RGS6: variants seen among roughly 807,000 people sequenced by gnomAD.
The protein encoded by RGS6 is regulator of G protein signaling 6, also known as regulator of G-protein signaling 6.
RGS6 carries 30 observed loss-of-function variants against 78.5 expected under a neutral mutation model. The ratio of observed to expected loss-of-function variants is 0.38; its 90% CI spans 0.29 to 0.52. RGS6 has a LOEUF of 0.52. Among genes scored for constraint, RGS6 ranks in the 20% least tolerant of loss-of-function variants. The pLI is 0.85. For missense variants in RGS6, 495 were observed against 609.7 expected, an observed-to-expected ratio of 0.81 and a Z score of 1.98; for synonymous variants, 206 against 206.0, an observed-to-expected ratio of 1.00 and a Z score of 0.00.
At chr14:72,586,391 CCT>C in the RGS6 span, among the ~76,000 whole-genome samples, 1 of 152,162 alleles carries the variant, frequency 6.6e-6, no homozygotes. Flanking sequence ...GGTGCCTCCT[CCT>C]CTCTCTCGTG....
chr14:71,912,587 G>A, the RGS6 span, among the ~76,000 whole-genome samples: 6,987 of 152,152 alleles, frequency 0.046, 527 homozygotes, highest in African/African-American at 0.16. Flanking sequence ...CTACTGAAAA[G>A]TATTGCTGAA....
At chr14:72,243,924 C>G (rs1451851549) in intron 2 of RGS6, among the ~76,000 whole-genome samples, 1 of 152,194 alleles carries the variant, frequency 6.6e-6, no homozygotes, top group Non-Finnish European at 1.5e-5. Flanking sequence ...AGAAATGTTA[C>G]TCTCCAAAGG....
intron 2 of RGS6, among the ~76,000 whole-genome samples, chr14:72,202,629 T>C (rs1027184082): frequency 6.6e-6 from 1 of 152,084 alleles, no homozygotes; most frequent in Admixed American, 6.5e-5. Context: ...GTAAGCAAAC[T>C]TACTGCCCAG....
At chr14:72,073,691 C>A (rs2094482565) in intron 2 of RGS6, among the ~76,000 whole-genome samples, 1 of 152,110 alleles carries the variant, frequency 6.6e-6, no homozygotes, top group South Asian at 2.1e-4. Flanking sequence ...GAACATGCAA[C>A]CTCCACACAG....
intron 3 of RGS6, among the ~76,000 whole-genome samples, chr14:72,370,860 CA>C (rs2083387324): frequency 6.6e-6 from 1 of 152,046 alleles, no homozygotes; most frequent in African/African-American, 2.4e-5. Context: ...TTTTGTTTTA[CA>C]AAAAGTAATT....
chr14:72,202,080 C>T (rs1020511259), intron 2 of RGS6, among the ~76,000 whole-genome samples: 1 of 152,140 alleles, frequency 6.6e-6, no homozygotes, highest in Non-Finnish European at 1.5e-5. Context: ...AATCCAATAT[C>T]CTCCTCTTCA....
intron 2 of RGS6, among the ~76,000 whole-genome samples, chr14:72,021,027 T>A (rs1039218578): frequency 6.6e-6 from 1 of 152,238 alleles, no homozygotes; most frequent in African/African-American, 2.4e-5. Flanking sequence ...TTCTTCCTCC[T>A]TGTGTCTTGC....
chr14:72,395,787 G>A (rs922131893), intron 3 of RGS6, among the ~76,000 whole-genome samples: 1 of 151,930 alleles, frequency 6.6e-6, no homozygotes. Context: ...GTGGTGTTTG[G>A]TTTTTTTCCC....
At chr14:72,066,025 A>G (rs535642168) in intron 2 of RGS6, among the ~76,000 whole-genome samples, 67 of 148,428 alleles carry the variant, frequency 4.5e-4, no homozygotes, top group Admixed American at 3.5e-3. Flanking sequence ...CTGCCTGTTG[A>G]TTGATGTTAA....
At chr14:72,320,861 C>G (rs2071766657) in intron 2 of RGS6, among the ~76,000 whole-genome samples, 1 of 150,064 alleles carries the variant, frequency 6.7e-6, no homozygotes, top group Non-Finnish European at 1.5e-5. Context: ...TTTAAATATA[C>G]TTAGCATACT....
chr14:72,575,170 CAG>C, the RGS6 span, among the ~76,000 whole-genome samples: 3 of 152,040 alleles, frequency 2.0e-5, no homozygotes, highest in African/African-American at 7.2e-5. Flanking sequence ...AGGCAGCATT[CAG>C]AGTTTATTGT....
chr14:71,936,024 A>ATATATATATATATATATATC, intron 1 of RGS6, among the ~76,000 whole-genome samples: 1 of 119,564 alleles, frequency 8.4e-6, no homozygotes, highest in East Asian at 3.0e-4. Flanking sequence ...GGATATATAT[A>ATATATATATATATATATATC]TATATATATA....
rs1374562769 is a variant in RGS6, at chr14:72,062,981, G to A, written c.84+98106G>A. On this transcript the variant is annotated intron_variant, in intron 2 of 17. Transcript: ENST00000553525. The stretch of plus-strand genomic sequence containing the variant: ...GAGATTTACAGATGTGCACCACCAC[G>A]CCCAGGTAATTTCTGTATTTTTAGC... Among the ~76,000 whole-genome samples the A allele has an allele frequency of 9.2e-5, 14 of 152,204 alleles. No individual in the cohort carries two copies. In the South Asian group the frequency reaches 2.5e-3, roughly 27 times the overall value.
the RGS6 span, chr14:72,594,330 T>TG: frequency 1.3e-5 from 2 of 152,170 alleles, no homozygotes; most frequent in Non-Finnish European, 2.9e-5. Context: ...AACTCACCTG[T>TG]GGGGAAGCTC....
At chr14:72,182,256 A>G (rs1474652020) in intron 2 of RGS6, among the ~76,000 whole-genome samples, 1 of 151,890 alleles carries the variant, frequency 6.6e-6, no homozygotes, top group African/African-American at 2.4e-5. Flanking sequence ...AAAAATACAA[A>G]CACATTAGCC....
At chr14:72,276,699 T>C (rs921701215) in intron 2 of RGS6, among the ~76,000 whole-genome samples, 8 of 152,184 alleles carry the variant, frequency 5.3e-5, no homozygotes, top group African/African-American at 1.9e-4. Flanking sequence ...CTTCTCATTT[T>C]CCTTCTTGCC....
intron 17 of RGS6, chr14:72,540,590 T>A: frequency 1.3e-6 from 2 of 1,510,350 alleles, no homozygotes; most frequent in African/African-American, 1.4e-5. Flanking sequence ...TTTTGCTGTG[T>A]GCAGAAAGCG....
chr14:72,062,204 C>T (rs2093928216), intron 2 of RGS6, among the ~76,000 whole-genome samples: 1 of 152,144 alleles, frequency 6.6e-6, no homozygotes, highest in South Asian at 2.1e-4. Context: ...AGGAAGAATC[C>T]TTCAAGTGGC....
intron 2 of RGS6, among the ~76,000 whole-genome samples, chr14:72,091,052 T>C (rs188556708): frequency 6.5e-4 from 99 of 152,306 alleles, no homozygotes; most frequent in African/African-American, 2.3e-3. Context: ...TGAACGTTTA[T>C]TGTGCAGTGG....
Sources: gnomAD v4.1 joint callset for allele counts (sites outside exome capture counted in the v4.1 genomes callset) on GRCh38, gnomAD v4.1.1 for gene constraint, MANE v1.5 for transcripts, NCBI Gene and HGNC (gene_info 2026-07-23, HGNC 2026-07-21) for gene names.